Variants in VWA3B observed in about 807,000 individuals in gnomAD.
VWA3B encodes the protein von Willebrand factor A domain-containing protein 3B.
A neutral mutation model predicts 158.3 loss-of-function variants in VWA3B; 138 were observed. The ratio of observed to expected loss-of-function variants is 0.87; its 90% CI spans 0.76 to 1.00. The LOEUF (loss-of-function observed/expected upper bound fraction) is 1.00, where lower values mean the gene tolerates loss of function less well. Ranked by LOEUF, VWA3B falls within the 50% of genes least tolerant of loss-of-function variation. The pLI is 0.00. For synonymous variants in VWA3B, 596 were observed against 587.3 expected (o/e 1.01, Z -0.21); for missense variants, 1,555 against 1,565.1 (o/e 0.99, Z 0.11).
chr2:98,298,375 TTC>T (rs1352422632), intron 24 of VWA3B, among the ~76,000 whole-genome samples: 8 of 52,944 alleles, frequency 1.5e-4, no homozygotes, highest in African/African-American at 3.6e-4. Flanking sequence ...CTACAAAAGA[TTC>T]TATTCTATTC....
rs775044451 is a variant in VWA3B at position 98,311,889 on chromosome 2, A to G, written c.3592A>G (p.Arg1198Gly). The change falls in exon 27 of 28, where the codon AGA becomes GGA. Residue 1198 changes from arginine (R) to glycine (G), a missense_variant. Transcript: ENST00000477737. Reference protein sequence around the residue: ...PLKEADTQDSREPRREKPRRK... With the variant: ...PLKEADTQDSGEPRREKPRRK... ...GAAAGAAGCGGACACGCAGGATTCC[A>G]GAGAGCCAAGACGAGAGAAGCCCAG... 5 of 1,611,994 alleles carry G rather than the reference A, an allele frequency of 3.1e-6. No individual in the cohort carries two copies. The Admixed American group carries it at 5.0e-5, about 16-fold the overall frequency.
At chr2:98,267,876 G>C (rs1452357227) in intron 21 of VWA3B, among the ~76,000 whole-genome samples, 1 of 152,106 alleles carries the variant, frequency 6.6e-6, no homozygotes, top group Non-Finnish European at 1.5e-5. Context: ...CAATCCCACA[G>C]AAATACAAAC....
chr2:98,306,087 C>T (rs1227161875), intron 26 of VWA3B, among the ~76,000 whole-genome samples: 2 of 152,118 alleles, frequency 1.3e-5, no homozygotes, highest in Non-Finnish European at 2.9e-5. Flanking sequence ...TGTGCCTTCA[C>T]CAGATTAAGT....
chr2:98,222,110 G>A (rs1172104033), intron 14 of VWA3B, among the ~76,000 whole-genome samples: 1 of 152,132 alleles, frequency 6.6e-6, no homozygotes, highest in East Asian at 1.9e-4. Context: ...GCAGGGCCCA[G>A]TGGAGGACTG....
At chr2:98,164,701 T>C (rs1439046325) in intron 8 of VWA3B, among the ~76,000 whole-genome samples, 5 of 152,238 alleles carry the variant, frequency 3.3e-5, no homozygotes, top group African/African-American at 7.2e-5. Flanking sequence ...CATGATTTAA[T>C]TAGCACCTAC....
Position 98,311,973 on chromosome 2 carries a change from G to A in VWA3B, c.3676G>A (p.Gly1226Ser), listed in dbSNP as rs768312504. Residue 1226 changes from glycine (G) to serine (S), a missense_variant, in exon 27 of 28, where the codon GGC (glycine) becomes AGC (serine). Transcript: ENST00000477737. ...GCAGGCGGCGCCCTCGGACTCGGAC[G>A]GCTCCTCCCACGGCATCAGCTCCCA... ...LQQAAPSDSDGSSHGISSHGS... is the reference protein window; with the variant it reads ...LQQAAPSDSDSSSHGISSHGS... 21 of 1,604,710 alleles carry A rather than the reference G, an allele frequency of 1.3e-5. 1 individual carries two copies. The South Asian group carries it at 2.1e-4, about 16-fold the overall frequency.
At chr2:98,189,203 C>G (rs771590251) in intron 10 of VWA3B, among the ~76,000 whole-genome samples, 1 of 152,134 alleles carries the variant, frequency 6.6e-6, no homozygotes, top group East Asian at 1.9e-4. Flanking sequence ...GTCAGGAGTT[C>G]GAGACCAGCC....
At chr2:98,282,758 A>G (rs945495213) in intron 22 of VWA3B, among the ~76,000 whole-genome samples, 3 of 152,174 alleles carry the variant, frequency 2.0e-5, no homozygotes, top group African/African-American at 4.8e-5. Flanking sequence ...TACTTTTACA[A>G]TGTTCTTTAG....
chr2:98,216,982 A>ACCCCCCCC (rs139373261), intron 13 of VWA3B: 42 of 1,237,154 alleles, frequency 3.4e-5, no homozygotes, highest in Non-Finnish European at 3.6e-5. Context: ...CATTGTAAGC[A>ACCCCCCCC]CCCGCCCCGC....
chr2:98,315,253 CT>C (rs1192619795), downstream of VWA3B, among the ~76,000 whole-genome samples: 1 of 152,056 alleles, frequency 6.6e-6, no homozygotes, highest in African/African-American at 2.4e-5. Context: ...TAAATCTGTA[CT>C]TTTAGCATAT....
Position 98,303,821 on chromosome 2 carries a change from T to G in VWA3B, c.3521+19T>G. ...CAGAAGTGTAAGTGTACTCAACTTT[T>G]ATCTCTTGAATATTAATTTATATCC... is the stretch of plus-strand genomic sequence containing the variant. On this transcript the variant is annotated intron_variant, in intron 26 of 27. Coordinates refer to ENST00000477737, the MANE Select transcript of VWA3B (RefSeq NM_144992.5). 3 of 1,606,668 alleles carry G rather than the reference T, an allele frequency of 1.9e-6. No homozygotes were observed. Among genetic ancestry groups the G allele is most frequent in the South Asian group, 2.2e-5 (2 of 90,920 alleles).
At chr2:98,296,386 A>G (rs1416063598) in intron 23 of VWA3B, among the ~76,000 whole-genome samples, 1 of 143,936 alleles carries the variant, frequency 6.9e-6, no homozygotes, top group Non-Finnish European at 1.5e-5. Context: ...TTTCTGATTA[A>G]AAAGGTAAAG....
intron 5 of VWA3B, chr2:98,122,099 GAT>G (rs1200876854): frequency 6.6e-6 from 1 of 152,498 alleles, no homozygotes; most frequent in African/African-American, 2.4e-5. Context: ...TGGAAGAAGT[GAT>G]TAGATGGTGG....
At chr2:98,132,168 A>G (rs1185076050) in intron 6 of VWA3B, among the ~76,000 whole-genome samples, 1 of 152,248 alleles carries the variant, frequency 6.6e-6, no homozygotes, top group Non-Finnish European at 1.5e-5. Flanking sequence ...TAACGAGGCC[A>G]TGCAGCCATG....
rs543719929 is a variant in VWA3B, at chr2:98,299,929, G to A, written c.3283-150G>A. On this transcript the variant is annotated intron_variant, in intron 24 of 27. Coordinates refer to ENST00000477737, the MANE Select transcript of VWA3B (RefSeq NM_144992.5). ...TGGCCCAATGAGCCCAGAGAATCTT[G>A]GAACTCTTTCTTAACTGAGAAAAAA... is the stretch of plus-strand genomic sequence containing the variant. The A allele has an allele frequency of 7.4e-6, 8 of 1,076,036 alleles. No individual in the cohort carries two copies. The South Asian group carries it at 1.1e-4, about 15-fold the overall frequency. The allele number at this position is 1,076,036 out of a possible 1,614,324, so 66.7% of individuals were successfully genotyped here.
At chr2:98,131,366 T>C (rs1675859168) in intron 6 of VWA3B, among the ~76,000 whole-genome samples, 1 of 152,240 alleles carries the variant, frequency 6.6e-6, no homozygotes, top group African/African-American at 2.4e-5. Flanking sequence ...GACACTTAGG[T>C]TGATTCCGTA....
chr2:98,317,219 T>TC (rs1558790869), downstream of VWA3B, among the ~76,000 whole-genome samples: 1 of 152,156 alleles, frequency 6.6e-6, no homozygotes, highest in East Asian at 1.9e-4. Context: ...AGATGATAGT[T>TC]CCCCCTGAGT....
chr2:98,235,893 C>A (rs1483591918), intron 17 of VWA3B, among the ~76,000 whole-genome samples: 1 of 152,178 alleles, frequency 6.6e-6, no homozygotes, highest in Non-Finnish European at 1.5e-5. Flanking sequence ...TATAAATACA[C>A]ATTTATATAA....
intron 16 of VWA3B, among the ~76,000 whole-genome samples, chr2:98,231,316 CT>C (rs1685320236): frequency 1.3e-5 from 2 of 152,262 alleles, no homozygotes; most frequent in South Asian, 4.1e-4. Context: ...TCTACAATAG[CT>C]AAAATAATTT....
Sources: allele counts gnomAD v4.1 joint callset (sites outside exome capture counted in the v4.1 genomes callset), GRCh38; gene constraint gnomAD v4.1.1; transcripts MANE v1.5; gene names NCBI Gene and HGNC (gene_info 2026-07-23, HGNC 2026-07-21).